Variants in STRA6 observed in about 807,000 individuals in gnomAD.
STRA6 encodes the protein signaling receptor and transporter of retinol STRA6.
Under a neutral mutation model 83.6 loss-of-function variants are expected in STRA6, and 48 were observed. The observed-to-expected ratio is 0.57, with a 90% CI of 0.46 to 0.73. The LOEUF is 0.73. Ranked by LOEUF, STRA6 falls within the 30% of genes least tolerant of loss-of-function variation. The pLI, the probability that STRA6 is intolerant of heterozygous loss-of-function variation, is 0.00. For missense variants in STRA6, 760 were observed against 838.8 expected (o/e 0.91, Z 1.16); for synonymous variants, 353 against 362.3 (o/e 0.97, Z 0.29).
intron 12 of STRA6, among the ~76,000 whole-genome samples, chr15:74,187,698 G>A (rs139851170): frequency 5.5e-4 from 83 of 152,234 alleles, no homozygotes; most frequent in African/African-American, 1.9e-3. Flanking sequence ...ATCCTCCTGG[G>A]CCTCAGTATT....
upstream of STRA6, chr15:74,202,807 G>A: frequency 9.0e-7 from 1 of 1,110,542 alleles, no homozygotes; most frequent in Non-Finnish European, 1.1e-6. Flanking sequence ...CTCCCAGCTG[G>A]GCTCCCTTGA....
At chr15:74,211,526 G>A (rs192966224), upstream of STRA6, among the ~76,000 whole-genome samples, 50 of 150,140 alleles carry the variant, frequency 3.3e-4, no homozygotes, top group East Asian at 6.1e-3. Context: ...TCGGCCTCCC[G>A]AGTAGCTCGG....
intron 12 of STRA6, among the ~76,000 whole-genome samples, chr15:74,186,986 G>A (rs1198593039): frequency 6.6e-6 from 1 of 152,222 alleles, no homozygotes; most frequent in Admixed American, 6.5e-5. Context: ...CCCTCGCAGG[G>A]ACACTTTTCT....
chr15:74,198,868 T>C (rs1378937787), intron 2 of STRA6, among the ~76,000 whole-genome samples: 1 of 152,142 alleles, frequency 6.6e-6, no homozygotes, highest in East Asian at 1.9e-4. Flanking sequence ...ACAGTGGAGA[T>C]AGGGGTCACT....
chr15:74,180,114 G>T lies in STRA6; in HGVS notation c.1970C>A (p.Thr657Lys), dbSNP rs144043304. The T allele has an allele frequency of 3.1e-6, 5 of 1,613,576 alleles. No individual in the cohort carries two copies. The highest frequency in any genetic ancestry group is 4.2e-6 in the Non-Finnish European group (5 of 1,179,704). ...HNPTLQVFRK[T>K]ALLGANGAQP ...GGCACCATTGGCACCCAACAGGGCC[G>T]TCTTGCGGAAGACCTGCAGGGTTGG... is the stretch of plus-strand genomic sequence containing the variant. The change falls in exon 19 of 19, where the codon ACG becomes AAG. Residue 657 changes from threonine (T) to lysine (K), a missense_variant. By Grantham distance (78) the Thr-to-Lys change is moderately conservative. Transcript: ENST00000395105.
rs761463774 is a variant in STRA6, at chr15:74,180,239, C to A, written c.1845G>T (p.Met615Ile). ...TGGAGTCCTTTGTCTGTAGCAGCTG[C>A]ATCCCTGAGAGAGACGGACTTTCTG... ...SLRPGEEDEG[M>I]QLLQTKDSMA... Residue 615 changes from methionine (M) to isoleucine (I), a missense_variant, in exon 19 of 19, where the codon ATG (methionine) becomes ATT (isoleucine). Met to Ile is a conservative substitution (Grantham distance 10, BLOSUM62 1). Transcript: ENST00000395105. The A allele has an allele frequency of 1.2e-6, 2 of 1,614,124 alleles. No individual in the cohort carries two copies. The highest frequency in any genetic ancestry group is 2.2e-5 in the South Asian group (2 of 91,084).
chr15:74,180,964 C>T, intron 17 of STRA6, 27 bp from the exon 18 acceptor site: 2 of 1,612,392 alleles, frequency 1.2e-6, no homozygotes, highest in Non-Finnish European at 1.7e-6. Flanking sequence ...GATGGCAATG[C>T]TGGGGGAGCA....
intron 4 of STRA6, among the ~76,000 whole-genome samples, chr15:74,197,042 G>C (rs187275553): frequency 6.6e-6 from 1 of 152,322 alleles, no homozygotes; most frequent in East Asian, 1.9e-4. Flanking sequence ...TCCACACATG[G>C]AGGGCTGCCT....
upstream of STRA6, chr15:74,209,252 A>G (rs2074330516): frequency 1.7e-6 from 2 of 1,161,248 alleles, no homozygotes; most frequent in Non-Finnish European, 2.5e-6. Context: ...TCGAAACTTG[A>G]TCTCCTTGGC....
chr15:74,185,018 G>C lies in STRA6; in HGVS notation c.1128C>G (p.Leu376=), dbSNP rs906617433. The part of the protein sequence containing the change: ...YISALVLSCL[L]TFLVLMRSLV... ...GTGAGCGCATCAGGACCAGGAAGGT[G>C]AGTAAGCAGGACAAGACCAAGGCTG... The change falls in exon 13 of 19, where the codon CTC becomes CTG. Residue 376 remains leucine (L), a synonymous_variant. Coordinates refer to ENST00000395105, the MANE Select transcript of STRA6 (RefSeq NM_022369.4). The C allele has an allele frequency of 6.2e-7, 1 of 1,613,950 alleles. No individual in the cohort carries two copies. Among genetic ancestry groups the C allele is most frequent in the Admixed American group, 1.7e-5 (1 of 59,996 alleles).
rs377041925 is a variant in STRA6 at position 74,197,755 on chromosome 15, C to T, written c.177G>A (p.Leu59=). 1 of 1,613,342 alleles carries T rather than the reference C, an allele frequency of 6.2e-7. No homozygotes were observed. Among genetic ancestry groups the T allele is most frequent in the Non-Finnish European group, 8.5e-7 (1 of 1,180,034 alleles). Residue 59 remains leucine (L), a synonymous_variant, in exon 3 of 19, where the codon CTG becomes CTA. Coordinates refer to ENST00000395105, the MANE Select transcript of STRA6 (RefSeq NM_022369.4). ...GTTCAACTTGGGTTGGACTCACTGA[C>T]AGCGAGGCCAGGCAGGCGTGGTACA... ...PGLYHACLAS[L]SILVLLLLAM... is the part of the protein sequence containing the mutation.
chr15:74,190,623 G>A (rs895006009), intron 11 of STRA6, among the ~76,000 whole-genome samples: 33 of 152,166 alleles, frequency 2.2e-4, no homozygotes, highest in African/African-American at 6.8e-4. Flanking sequence ...TCGTGTTTAT[G>A]TGGCCTCCAA....
intron 6 of STRA6, 85 bp from the exon 7 acceptor site, chr15:74,195,553 CTCCAGCT>C: frequency 6.3e-7 from 1 of 1,579,154 alleles, no homozygotes; most frequent in Non-Finnish European, 8.6e-7. Context: ...TCTCTTCGGT[CTCCAGCT>C]TCCAAGCCCT....
At chr15:74,195,048 T>G (rs2142049309) in intron 7 of STRA6, 1 of 1,444,602 alleles carries the variant, frequency 6.9e-7, no homozygotes, top group African/African-American at 1.4e-5. Context: ...TTCCCCCTAC[T>G]CTGCCCACTT....
At chr15:74,191,309 G>C (rs1046230083) in intron 9 of STRA6, 66 bp from the exon 10 acceptor site, 2 of 1,611,090 alleles carry the variant, frequency 1.2e-6, no homozygotes, top group African/African-American at 2.7e-5. Flanking sequence ...GCCAGCCCCA[G>C]AGGCTGGTCA....
chr15:74,196,910 A>G (rs138374385), intron 4 of STRA6, among the ~76,000 whole-genome samples: 72 of 152,254 alleles, frequency 4.7e-4, no homozygotes, highest in South Asian at 1.2e-3. Context: ...GAGATAGGAG[A>G]AGAAAGCTCC....
At chr15:74,197,229 T>A in intron 4 of STRA6, 109 bp downstream of exon 4, 2 of 770,856 alleles carry the variant, frequency 2.6e-6, no homozygotes, top group Non-Finnish European at 4.4e-6. Context: ...GATAGGGATG[T>A]CATTAAAGCC....
chr15:74,183,877 G>T lies in STRA6; in HGVS notation c.1279C>A (p.Gln427Lys). 3 of 1,614,116 alleles carry T rather than the reference G, an allele frequency of 1.9e-6. No individual in the cohort carries two copies. The highest frequency in any genetic ancestry group is 3.3e-4 in the Middle Eastern group (2 of 6,058). Residue 427 changes from glutamine (Q) to lysine (K), a missense_variant, in exon 14 of 19, where the codon CAG becomes AAG. Physicochemically the swap from Gln to Lys is moderately conservative, Grantham distance 53. Coordinates refer to ENST00000395105, the MANE Select transcript of STRA6 (RefSeq NM_022369.4). Reference protein sequence around the residue: ...IFCWMSFSAYQTAFICLGLLV... With the variant: ...IFCWMSFSAYKTAFICLGLLV... ...TCACCAAGGCAGATAAAGGCTGTCT[G>T]GTAGGCACTGAAGCTCATCCAACAG...
At position 74,194,445 on chromosome 15, in the gene STRA6, A is replaced by G. The variant is rs2073712424; in HGVS notation, c.598-523T>C. On this transcript the variant is annotated intron_variant, in intron 7 of 18. Coordinates refer to ENST00000395105, the MANE Select transcript of STRA6 (RefSeq NM_022369.4). ...AGTATGTGCCAGGTTCTAGGTGGTG[A>G]AAAAAAGCCACCAAGTTCCCCCTCT... The G allele has an allele frequency of 4.1e-6, 4 of 975,404 alleles. No homozygotes were observed. In the South Asian group the frequency reaches 1.3e-4, roughly 32 times the overall value. 60.4% of individuals were successfully genotyped at this position (975,404 alleles called of 1,614,324 possible).
Sources: allele counts gnomAD v4.1 joint callset (sites outside exome capture counted in the v4.1 genomes callset), GRCh38; gene constraint gnomAD v4.1.1; transcripts MANE v1.5; gene names NCBI Gene and HGNC (gene_info 2026-07-23, HGNC 2026-07-21).